CHODL: variants seen among roughly 807,000 people sequenced by gnomAD.
CHODL encodes the protein chondrolectin.
CHODL carries 29 observed loss-of-function variants against 34.5 expected under a neutral mutation model. The ratio of observed to expected loss-of-function variants is 0.84; its 90% CI spans 0.63 to 1.15. The LOEUF (loss-of-function observed/expected upper bound fraction) is 1.15, where lower values mean the gene tolerates loss of function less well. CHODL is among the 50% of genes most tolerant of loss of function. The probability of loss-of-function intolerance (pLI) is 0.00; values close to 1 mark genes in which losing one functional copy is unlikely to be tolerated. For missense variants in CHODL, 332 were observed against 332.5 expected (o/e 1.00, Z 0.01); for synonymous variants, 125 against 116.1 (o/e 1.08, Z -0.49).
At chr21:18,010,380 C>G (rs1212946468) in intron 1 of CHODL, among the ~76,000 whole-genome samples, 1 of 148,222 alleles carries the variant, frequency 6.7e-6, no homozygotes, top group Non-Finnish European at 1.5e-5. Context: ...CCTGGTGGGT[C>G]AAATGTTAGC....
chr21:18,002,935 A>C (rs546909325), intron 1 of CHODL, among the ~76,000 whole-genome samples: 2 of 152,126 alleles, frequency 1.3e-5, no homozygotes, highest in South Asian at 4.2e-4. Flanking sequence ...CATCCGGGCT[A>C]ACACGGTGAA....
intron 2 of CHODL, among the ~76,000 whole-genome samples, chr21:18,071,757 T>C (rs954260082): frequency 3.9e-5 from 6 of 152,082 alleles, no homozygotes; most frequent in Admixed American, 6.5e-5. Flanking sequence ...ACATTTCTAT[T>C]TCATTCTATT....
At chr21:18,198,360 T>A (rs1211970648) in intron 2 of CHODL, among the ~76,000 whole-genome samples, 2 of 152,166 alleles carry the variant, frequency 1.3e-5, no homozygotes, top group Non-Finnish European at 2.9e-5. Context: ...CTATTTGTAC[T>A]TTTTCCTCCT....
In CHODL at chr21:17,948,767, T is replaced by A. The variant is rs1220664242; in HGVS notation, c.-145+31367T>A. 3.9e-5 allele frequency among the ~76,000 whole-genome samples: 6 copies of A among 152,092 alleles called. No homozygotes were observed. In the East Asian group the frequency reaches 1.2e-3, roughly 29 times the overall value. On this transcript the variant is annotated intron_variant, in intron 1 of 6. Coordinates refer to the CHODL transcript ENST00000400127. ...ATAAAATTGAATCAGTAATAAAAAATCTCCAATCAAAGAAAAGCCCCAAAC... is the reference window on the plus strand; with the variant it reads ...ATAAAATTGAATCAGTAATAAAAAAACTCCAATCAAAGAAAAGCCCCAAAC...
At position 17,993,108 on chromosome 21, in the gene CHODL, C is replaced by T. The variant is rs142961848; in HGVS notation, c.-144-34764C>T. 5.5e-3 allele frequency among the ~76,000 whole-genome samples: 836 copies of T among 152,162 alleles called. 8 individuals are homozygous for T. The highest frequency in any genetic ancestry group is 0.013 in the African/African-American group (552 of 41,528). On this transcript the variant is annotated intron_variant, in intron 1 of 6. Coordinates refer to the CHODL transcript ENST00000400127. ...AATAAAAGTGGTGAAAGTGGGCATC[C>T]TTGTCTTGTTCCAGTTCTTAGTATT...
At chr21:18,122,947 C>T (rs2065497877) in intron 2 of CHODL, among the ~76,000 whole-genome samples, 1 of 152,182 alleles carries the variant, frequency 6.6e-6, no homozygotes. Flanking sequence ...TACGTTTACA[C>T]AATTCTATTT....
chr21:17,976,270 GAAAAAAAAAAAAA>G (rs71318119), intron 1 of CHODL, among the ~76,000 whole-genome samples: 8 of 66,524 alleles, frequency 1.2e-4, no homozygotes, highest in South Asian at 1.3e-3. Context: ...GACCATCTCA[GAAAAAAAAAAAAA>G]AAAAAAAAAA....
intron 1 of CHODL, among the ~76,000 whole-genome samples, chr21:18,014,774 G>A (rs1600896384): frequency 1.3e-5 from 2 of 152,316 alleles, no homozygotes; most frequent in South Asian, 4.1e-4. Context: ...CAGAAGGCGA[G>A]CAGAGGCTAA....
At chr21:18,171,736 G>GTT (rs71189587) in intron 2 of CHODL, among the ~76,000 whole-genome samples, 6 of 146,558 alleles carry the variant, frequency 4.1e-5, no homozygotes, top group African/African-American at 1.2e-4. Context: ...ATTCTCTTCA[G>GTT]TTTTTTTTTT....
At chr21:18,212,189 C>T (rs1018475817) in intron 2 of CHODL, among the ~76,000 whole-genome samples, 3 of 152,126 alleles carry the variant, frequency 2.0e-5, no homozygotes, top group Non-Finnish European at 2.9e-5. Flanking sequence ...AAAATCCAAT[C>T]GATATCAGTC....
At chr21:17,994,823 G>A (rs1242592360) in intron 1 of CHODL, among the ~76,000 whole-genome samples, 1 of 152,162 alleles carries the variant, frequency 6.6e-6, no homozygotes, top group African/African-American at 2.4e-5. Flanking sequence ...TTAGTAGATT[G>A]AGCCTGTTTG....
rs2064951823 is a variant in CHODL, at chr21:18,082,259, TC to T, written c.-45+54291del. Among the ~76,000 whole-genome samples the T allele has an allele frequency of 2.0e-5, 3 of 152,332 alleles. No individual in the cohort carries two copies. The South Asian group carries it at 6.2e-4, about 32-fold the overall frequency. On this transcript the variant is annotated intron_variant, in intron 2 of 6. Coordinates refer to the CHODL transcript ENST00000400127. ...ACATGCTTACTTCCCCTTCACCTTC[TC>T]CCTTGATTGTAAATTTCCTGAGGCT...
Position 18,266,273 on chromosome 21 carries a change from T to G in CHODL, c.*235T>G. On this transcript the variant is annotated 3_prime_UTR_variant, in exon 6 of 6. Transcript: ENST00000299295. ...TTTTGCTAAAGGATGCACCCAAACT[T>G]CAAACTTCAAGCAAATGAAATGGAC... The G allele has an allele frequency of 7.4e-7, 1 of 1,352,186 alleles. No individual in the cohort carries two copies. Among genetic ancestry groups the G allele is most frequent in the South Asian group, 1.5e-5 (1 of 64,798 alleles). 83.8% of individuals were successfully genotyped at this position (1,352,186 alleles called of 1,614,324 possible). A position where few individuals can be genotyped will look rare whatever the true frequency, so the allele number is the denominator to read the frequency against.
At chr21:18,175,703 T>C (rs1205150231) in intron 2 of CHODL, among the ~76,000 whole-genome samples, 1 of 151,780 alleles carries the variant, frequency 6.6e-6, no homozygotes, top group Non-Finnish European at 1.5e-5. Context: ...TAACAAATTA[T>C]ATGGAACAAG....
chr21:17,929,526 G>A (rs1259103933), intron 1 of CHODL, among the ~76,000 whole-genome samples: 1 of 152,232 alleles, frequency 6.6e-6, no homozygotes, highest in Non-Finnish European at 1.5e-5. Flanking sequence ...ATTATGGAAA[G>A]CAAAGAAAGG....
chr21:18,142,756 G>A (rs2072818263), intron 2 of CHODL, among the ~76,000 whole-genome samples: 1 of 152,266 alleles, frequency 6.6e-6, no homozygotes, highest in Middle Eastern at 3.4e-3. Context: ...TCTGCCAGGA[G>A]AACCATCAGG....
intron 1 of CHODL, among the ~76,000 whole-genome samples, chr21:18,245,627 C>T (rs1161885118): frequency 6.6e-6 from 1 of 152,058 alleles, no homozygotes; most frequent in East Asian, 1.9e-4. Context: ...GGGCTCAGCA[C>T]CTGCCAAAGG....
At chr21:18,129,088 AT>A (rs148247961) in intron 2 of CHODL, among the ~76,000 whole-genome samples, 4,364 of 152,038 alleles carry the variant, frequency 0.029, 139 homozygotes, top group East Asian at 0.13. Flanking sequence ...ATTTTATTGG[AT>A]TTTTTTGTCA....
At chr21:18,048,786 A>T (rs1279737137) in intron 2 of CHODL, among the ~76,000 whole-genome samples, 1 of 151,956 alleles carries the variant, frequency 6.6e-6, no homozygotes, top group African/African-American at 2.4e-5. Context: ...TACAGTTGTT[A>T]GTACAACAAA....
Sources: gnomAD v4.1 joint callset for allele counts (sites outside exome capture counted in the v4.1 genomes callset) on GRCh38, gnomAD v4.1.1 for gene constraint, MANE v1.5 for transcripts, NCBI Gene and HGNC (gene_info 2026-07-23, HGNC 2026-07-21) for gene names.